The following AKAIN1 variants were observed in gnomAD, a reference collection of about 807,000 sequenced individuals.
The protein encoded by AKAIN1 is A-kinase anchor inhibitor 1, also known as A-kinase anchor protein inhibitor 1.
Under a neutral mutation model 3.7 loss-of-function variants are expected in AKAIN1, and 3 were observed. The ratio of observed to expected loss-of-function variants is 0.82; its 90% CI spans 0.37 to 2.12. The LOEUF (loss-of-function observed/expected upper bound fraction) is 2.12. Among genes scored for constraint, AKAIN1 ranks in the 30% most tolerant of loss-of-function variants. The probability of loss-of-function intolerance (pLI) is 0.06; values close to 1 mark genes in which losing one functional copy is unlikely to be tolerated. For missense variants in AKAIN1, 82 were observed against 82.7 expected (o/e 0.99, Z 0.03); for synonymous variants, 31 against 30.8 (o/e 1.01, Z -0.02).
intron 1 of AKAIN1, 102 bp from the exon 2 acceptor site, chr18:5,145,857 T>A: frequency 1.0e-6 from 1 of 985,452 alleles, no homozygotes; most frequent in Non-Finnish European, 1.5e-6. Context: ...AGTGAGACTG[T>A]AAGAACACAC....
At chr18:5,167,555 G>A (rs60749688) in intron 1 of AKAIN1, among the ~76,000 whole-genome samples, 5,042 of 152,012 alleles carry the variant, frequency 0.033, 262 homozygotes, top group African/African-American at 0.11. Context: ...AGGTAATATC[G>A]TCCCCTCAAG....
chr18:5,154,290 T>G lies in AKAIN1; in HGVS notation c.17-8535A>C, dbSNP rs574961655. Among the ~76,000 whole-genome samples, 28 of 152,270 alleles carry G rather than the reference T, an allele frequency of 1.8e-4. No individual in the cohort carries two copies. The South Asian group carries it at 5.2e-3, about 28-fold the overall frequency. Reference sequence around the variant, plus strand: ...TCACTGGAGGTAGAGGCACAGAGAATGCTTATGAAAATACTGTCTTGGAAA... The same window carrying G: ...TCACTGGAGGTAGAGGCACAGAGAAGGCTTATGAAAATACTGTCTTGGAAA... On this transcript the variant is annotated intron_variant, in intron 1 of 1. Coordinates refer to ENST00000434239, the MANE Select transcript of AKAIN1 (RefSeq NM_001145194.2).
At chr18:5,196,897 T>C in intron 1 of AKAIN1, 141 bp downstream of exon 1, 1 of 775,636 alleles carries the variant, frequency 1.3e-6, no homozygotes. Flanking sequence ...GCCGAGGCAC[T>C]CCTCCGCCCC....
intron 1 of AKAIN1, among the ~76,000 whole-genome samples, chr18:5,175,561 A>G (rs1443809813): frequency 6.6e-6 from 1 of 152,164 alleles, no homozygotes; most frequent in Non-Finnish European, 1.5e-5. Flanking sequence ...AGCCCTTCCT[A>G]ACTCATCAGT....
intron 1 of AKAIN1, among the ~76,000 whole-genome samples, chr18:5,193,443 G>C (rs2071332720): frequency 6.6e-6 from 1 of 152,146 alleles, no homozygotes; most frequent in African/African-American, 2.4e-5. Flanking sequence ...ATGGCCCAGG[G>C]ATAAGGTAAC....
Position 5,197,206 on chromosome 18 carries a change from T to C in AKAIN1, c.-153A>G. 2.1e-5 allele frequency: 30 copies of C among 1,420,750 alleles called. No homozygotes were observed. Among genetic ancestry groups the C allele is most frequent in the Non-Finnish European group, 2.6e-5 (28 of 1,095,170 alleles). The allele number at this position is 1,420,750 out of a possible 1,614,324, so 88.0% of individuals were successfully genotyped here. A position where few individuals can be genotyped will look rare whatever the true frequency, so the allele number is the denominator to read the frequency against. ...CAGCACCCCGGACAGCTCCCGCCGCTAGATCCTGGGGCCGCAGCTCCAGCC... is the reference window on the plus strand; with the variant it reads ...CAGCACCCCGGACAGCTCCCGCCGCCAGATCCTGGGGCCGCAGCTCCAGCC... On this transcript the variant is annotated 5_prime_UTR_variant, in exon 1 of 2. Transcript: ENST00000434239. The surrounding 1 kb of genome is among the most constrained non-coding windows in gnomAD (Gnocchi z 6.9).
Position 5,145,378 on chromosome 18 carries a change from G to A in AKAIN1, c.*184C>T, listed in dbSNP as rs113481842. On this transcript the variant is annotated 3_prime_UTR_variant, in exon 2 of 2. Transcript: ENST00000434239. ...TGTCTCAGAGGCACTGCATAAATATGAACAGAATCGTCTAATGCACTTTTT... is the reference window on the plus strand; with the variant it reads ...TGTCTCAGAGGCACTGCATAAATATAAACAGAATCGTCTAATGCACTTTTT... The A allele has an allele frequency of 1.3e-3, 666 of 529,466 alleles. 8 individuals carry two copies. Among genetic ancestry groups the A allele is most frequent in the African/African-American group, 0.011 (606 of 53,118 alleles). The allele number at this position is 529,466 out of a possible 1,614,324, so 32.8% of individuals were successfully genotyped here.
intron 1 of AKAIN1, among the ~76,000 whole-genome samples, chr18:5,187,547 A>G (rs2071294441): frequency 6.6e-6 from 1 of 152,148 alleles, no homozygotes; most frequent in Non-Finnish European, 1.5e-5. Flanking sequence ...AGCCAAACTT[A>G]TTCTTTTGTC....
chr18:5,158,586 A>C (rs568819162), intron 1 of AKAIN1, among the ~76,000 whole-genome samples: 9 of 152,280 alleles, frequency 5.9e-5, no homozygotes, highest in Non-Finnish European at 1.2e-4. Flanking sequence ...ATTTGGTTTC[A>C]AACACTACAG....
intron 1 of AKAIN1, among the ~76,000 whole-genome samples, chr18:5,161,438 C>T (rs1465549993): frequency 6.6e-6 from 1 of 152,028 alleles, no homozygotes; most frequent in African/African-American, 2.4e-5. Flanking sequence ...TCTGTTGAAA[C>T]TTCCATATAC....
chr18:5,158,661 T>C (rs796367741), intron 1 of AKAIN1, among the ~76,000 whole-genome samples: 3 of 152,336 alleles, frequency 2.0e-5, no homozygotes, highest in Admixed American at 6.5e-5. Flanking sequence ...ATAATTTTGT[T>C]CCTGTTGGTC....
chr18:5,146,842 A>C (rs554061755), intron 1 of AKAIN1, among the ~76,000 whole-genome samples: 3 of 152,366 alleles, frequency 2.0e-5, no homozygotes, highest in Non-Finnish European at 4.4e-5. Context: ...TTACAAAAAA[A>C]CAGACCACAG....
intron 1 of AKAIN1, 111 bp downstream of exon 1, chr18:5,196,927 C>G (rs1247744546): frequency 9.8e-7 from 1 of 1,022,340 alleles, no homozygotes; most frequent in African/African-American, 1.6e-5. Flanking sequence ...GACAGTAACT[C>G]CGAAACGCGC....
chr18:5,190,228 C>T (rs556943008), intron 1 of AKAIN1, among the ~76,000 whole-genome samples: 9 of 152,254 alleles, frequency 5.9e-5, no homozygotes, highest in African/African-American at 2.2e-4. Context: ...ATGACCTAAT[C>T]ACCTCTTAAA....
intron 1 of AKAIN1, among the ~76,000 whole-genome samples, chr18:5,180,423 C>T (rs1431010889): frequency 6.6e-6 from 1 of 152,018 alleles, no homozygotes; most frequent in Non-Finnish European, 1.5e-5. Context: ...CTGTCTAAGG[C>T]AGGTACATGG....
intron 1 of AKAIN1, among the ~76,000 whole-genome samples, chr18:5,163,145 T>G (rs1383503552): frequency 6.6e-6 from 1 of 152,038 alleles, no homozygotes; most frequent in East Asian, 1.9e-4. Context: ...TAAGTGACTA[T>G]TTTACAGCCT....
At chr18:5,184,312 CTAGTCAACA>C (rs1203915309) in intron 1 of AKAIN1, among the ~76,000 whole-genome samples, 1 of 151,976 alleles carries the variant, frequency 6.6e-6, no homozygotes, top group East Asian at 1.9e-4. Flanking sequence ...AAAGCCGGTC[CTAGTCAACA>C]TAGTACTAGA....
At chr18:5,171,815 A>G (rs145131808) in intron 1 of AKAIN1, among the ~76,000 whole-genome samples, 50 of 152,296 alleles carry the variant, frequency 3.3e-4, no homozygotes, top group African/African-American at 1.0e-3. Context: ...GAGGTACCAC[A>G]TGATTTAGCA....
At chr18:5,196,748 C>T (rs566868280) in intron 1 of AKAIN1, among the ~76,000 whole-genome samples, 1 of 152,216 alleles carries the variant, frequency 6.6e-6, no homozygotes, top group East Asian at 1.9e-4. Flanking sequence ...GCGAAAGTCC[C>T]AGTTCTTAAG....
Sources: allele counts gnomAD v4.1 joint callset (sites outside exome capture counted in the v4.1 genomes callset), GRCh38; gene constraint gnomAD v4.1.1; non-coding constraint Gnocchi (gnomAD v3.1); transcripts MANE v1.5; gene names NCBI Gene and HGNC (gene_info 2026-07-23, HGNC 2026-07-21).